Variants in CFAP97 observed in about 807,000 individuals in gnomAD.
CFAP97 encodes the protein cilia- and flagella-associated protein 97.
In CFAP97, 36 loss-of-function variants were observed where a neutral mutation model predicts 43.1. The observed-to-expected ratio is 0.84, with a 90% confidence interval of 0.64 to 1.10. The LOEUF is 1.10. CFAP97 is among the 50% of genes least tolerant of loss of function. The pLI is 0.00. For synonymous variants in CFAP97, 228 were observed against 225.7 expected (o/e 1.01, Z -0.09); for missense variants, 657 against 620.3 (o/e 1.06, Z -0.63).
intron 2 of CFAP97, among the ~76,000 whole-genome samples, chr4:185,188,552 C>T (rs1216372777): frequency 1.3e-5 from 2 of 152,102 alleles, no homozygotes; most frequent in Non-Finnish European, 2.9e-5. Flanking sequence ...CCATGTTGGC[C>T]AGGCTGCTCT....
chr4:185,204,121 GCC>G (rs955660289), upstream of CFAP97: 3 of 151,702 alleles, frequency 2.0e-5, no homozygotes, highest in African/African-American at 7.2e-5. Flanking sequence ...AGGCGGCCAG[GCC>G]GGGGCTCCAC....
At chr4:185,192,987 ACC>A (rs1736368361) in intron 1 of CFAP97, among the ~76,000 whole-genome samples, 1 of 151,824 alleles carries the variant, frequency 6.6e-6, no homozygotes, top group East Asian at 1.9e-4. Flanking sequence ...TGATCCGCCC[ACC>A]TCGGCCTCCC....
chr4:185,167,161 CA>C (rs1249378231), intron 3 of CFAP97, among the ~76,000 whole-genome samples: 1 of 151,484 alleles, frequency 6.6e-6, no homozygotes, highest in Non-Finnish European at 1.5e-5. Context: ...AACTCTTATG[CA>C]AAAGTTAAAA....
chr4:185,191,334 T>C (rs1368890069), intron 1 of CFAP97, 122 bp from the exon 2 acceptor site: 2 of 687,506 alleles, frequency 2.9e-6, no homozygotes, highest in Non-Finnish European at 4.4e-6. Flanking sequence ...AGAAACATTA[T>C]AAAAACAACA....
chr4:185,165,480 G>A (rs1324994451), intron 3 of CFAP97, among the ~76,000 whole-genome samples: 1 of 152,146 alleles, frequency 6.6e-6, no homozygotes, highest in Non-Finnish European at 1.5e-5. Context: ...CGTAGGCATT[G>A]TTGAGAAAGA....
chr4:185,161,476 A>G lies in CFAP97; in HGVS notation c.*1322T>C, dbSNP rs1261176219. On this transcript the variant is annotated 3_prime_UTR_variant, in exon 5 of 5. Transcript: ENST00000458385. ...AGATCAAAAATTCATACTGAAAAAG[A>G]TATTTGTCATTTAACATGGAACCTT... 6.6e-6 allele frequency: 1 copy of G among 152,228 alleles called. No homozygotes were observed. The highest frequency in any genetic ancestry group is 1.5e-5 in the Non-Finnish European group (1 of 68,036). The allele number at this position is 152,228 out of a possible 1,614,324, so 9.4% of individuals were successfully genotyped here.
chr4:185,197,382 G>A (rs1736601910), intron 1 of CFAP97, among the ~76,000 whole-genome samples: 1 of 151,760 alleles, frequency 6.6e-6, no homozygotes, highest in South Asian at 2.1e-4. Flanking sequence ...GAATGTCTCT[G>A]CTGGATTTTA....
At chr4:185,165,792 C>CG (rs1560853646) in intron 3 of CFAP97, among the ~76,000 whole-genome samples, 1 of 152,134 alleles carries the variant, frequency 6.6e-6, no homozygotes, top group African/African-American at 2.4e-5. Flanking sequence ...ACATCACCAC[C>CG]GACTCCCATA....
chr4:185,206,633 T>C (rs1191895984), upstream of CFAP97, among the ~76,000 whole-genome samples: 2 of 117,924 alleles, frequency 1.7e-5, no homozygotes, highest in African/African-American at 6.7e-5. Context: ...CACTCCAGCC[T>C]GGGTAACAAG....
At chr4:185,210,189 G>A (rs1174424034), upstream of CFAP97, 2 of 984,952 alleles carry the variant, frequency 2.0e-6, no homozygotes, top group Non-Finnish European at 2.4e-6. The surrounding 1 kb of genome is among the most constrained non-coding windows in gnomAD (Gnocchi z 4.4). Flanking sequence ...CGCGCGCCCA[G>A]CCGCCCGACT....
intron 2 of CFAP97, 135 bp downstream of exon 2, chr4:185,190,008 G>T: frequency 3.3e-6 from 2 of 609,560 alleles, no homozygotes; most frequent in Non-Finnish European, 2.6e-6. Flanking sequence ...AGAGTATTTG[G>T]TAAAGTTACT....
At chr4:185,184,054 A>G (rs865777447) in intron 2 of CFAP97, among the ~76,000 whole-genome samples, 1 of 152,188 alleles carries the variant, frequency 6.6e-6, no homozygotes, top group Admixed American at 6.5e-5. Flanking sequence ...AGACAGGAAG[A>G]GTGAAGAATG....
chr4:185,188,989 G>A (rs1736117901), intron 2 of CFAP97, among the ~76,000 whole-genome samples: 1 of 152,192 alleles, frequency 6.6e-6, no homozygotes, highest in African/African-American at 2.4e-5. Flanking sequence ...CATAATCCCA[G>A]CCCTTCGGGA....
intron 2 of CFAP97, among the ~76,000 whole-genome samples, chr4:185,179,677 T>C (rs781681236): frequency 6.6e-5 from 10 of 152,158 alleles, no homozygotes; most frequent in Non-Finnish European, 1.5e-4. Flanking sequence ...GGGTTGACTG[T>C]AGTCCCGGCC....
chr4:185,202,758 T>C (rs1040374564), intron 1 of CFAP97, among the ~76,000 whole-genome samples: 3 of 152,206 alleles, frequency 2.0e-5, no homozygotes, highest in Non-Finnish European at 4.4e-5. Flanking sequence ...GTCCGGTGCC[T>C]GTGAGACTTT....
chr4:185,181,552 C>T (rs1327315465), intron 2 of CFAP97, among the ~76,000 whole-genome samples: 3 of 151,904 alleles, frequency 2.0e-5, no homozygotes, highest in African/African-American at 7.2e-5. Flanking sequence ...CTCGAACACC[C>T]GACCTCAGGT....
At chr4:185,193,552 A>C (rs1466522628) in intron 1 of CFAP97, among the ~76,000 whole-genome samples, 1 of 152,198 alleles carries the variant, frequency 6.6e-6, no homozygotes, top group Non-Finnish European at 1.5e-5. Context: ...AGGCTGAGGC[A>C]GGAGAATGGC....
intron 2 of CFAP97, among the ~76,000 whole-genome samples, chr4:185,188,925 C>A (rs371871357): frequency 2.7e-5 from 4 of 150,550 alleles, no homozygotes; most frequent in African/African-American, 5.0e-5. Flanking sequence ...TAGGTACAAT[C>A]AGAGAAAGGG....
intron 2 of CFAP97, among the ~76,000 whole-genome samples, chr4:185,187,617 C>G (rs1379565111): frequency 6.6e-6 from 1 of 151,958 alleles, no homozygotes; most frequent in Non-Finnish European, 1.5e-5. Flanking sequence ...GGAAAAAACC[C>G]GGAGTGTCCT....
Sources: gnomAD v4.1 joint callset for allele counts (sites outside exome capture counted in the v4.1 genomes callset) on GRCh38, gnomAD v4.1.1 for gene constraint, Gnocchi (gnomAD v3.1) non-coding constraint, MANE v1.5 for transcripts, NCBI Gene and HGNC (gene_info 2026-07-23, HGNC 2026-07-21) for gene names.